Variants in HLF observed in about 807,000 individuals in gnomAD.
HLF encodes hepatic leukemia factor.
In HLF, 3 loss-of-function variants were observed where a neutral mutation model predicts 22.6. The observed-to-expected ratio is 0.13, with a 90% confidence interval of 0.06 to 0.34. The LOEUF is 0.34. HLF is among the 10% of genes least tolerant of loss of function. The pLI is 1.00. For synonymous variants in HLF, 151 were observed against 151.8 expected (o/e 0.99, Z 0.04); for missense variants, 299 against 389.2 (o/e 0.77, Z 1.95).
chr17:55,320,193 G>A lies in HLF; in HGVS notation c.673-471G>A, dbSNP rs1056349504. Among the ~76,000 whole-genome samples the A allele has an allele frequency of 6.6e-6, 1 of 152,186 alleles. No individual in the cohort carries two copies. Among genetic ancestry groups the A allele is most frequent in the African/African-American group, 2.4e-5 (1 of 41,454 alleles). ...GCTACAGGACAAAATCCTGGAAGTG[G>A]AGTGCTAGATGAATAGTATATCCAT... On this transcript the variant is annotated intron_variant, in intron 3 of 3. Transcript: ENST00000226067. The surrounding 1 kb of genome is among the most constrained non-coding windows in gnomAD (Gnocchi z 4.2).
intron 2 of HLF, among the ~76,000 whole-genome samples, chr17:55,271,260 A>G (rs1354849100): frequency 6.6e-6 from 1 of 152,254 alleles, no homozygotes; most frequent in Non-Finnish European, 1.5e-5. Flanking sequence ...GAATATTAAT[A>G]AGAGCATAAT....
chr17:55,321,312 G>A lies in HLF; in HGVS notation c.*433G>A, dbSNP rs1227331434. On this transcript the variant is annotated 3_prime_UTR_variant, in exon 4 of 4. Transcript: ENST00000226067. ...GGCCCTGGTAAAATAGTGGATCTCA[G>A]TTTTTAAGAGTACAAGCTCTTGTTT... The A allele has an allele frequency of 8.0e-6, 2 of 250,560 alleles. No individual in the cohort carries two copies. The highest frequency in any genetic ancestry group is 1.1e-4 in the East Asian group (2 of 17,516). The allele number at this position is 250,560 out of a possible 1,614,324, so 15.5% of individuals were successfully genotyped here.
chr17:55,282,285 C>CTT (rs1222764778), intron 2 of HLF, among the ~76,000 whole-genome samples: 1 of 152,110 alleles, frequency 6.6e-6, no homozygotes, highest in Non-Finnish European at 1.5e-5. Context: ...TGGACTGGGT[C>CTT]TTTGTAAGCT....
chr17:55,302,844 C>CT (rs2145351927), intron 2 of HLF, among the ~76,000 whole-genome samples: 1 of 152,344 alleles, frequency 6.6e-6, no homozygotes, highest in East Asian at 1.9e-4. Context: ...TGAAAATAGA[C>CT]TCCAGGTATG....
chr17:55,294,825 A>C (rs1351413606), intron 2 of HLF, among the ~76,000 whole-genome samples: 1 of 151,886 alleles, frequency 6.6e-6, no homozygotes, highest in African/African-American at 2.4e-5. Flanking sequence ...GGACCTTTCT[A>C]TATCCTCCCT....
intron 2 of HLF, among the ~76,000 whole-genome samples, chr17:55,310,010 A>G (rs1044318705): frequency 5.3e-5 from 8 of 152,254 alleles, no homozygotes; most frequent in African/African-American, 1.9e-4. Context: ...AATTCTTGCT[A>G]AAATACGAAA....
At chr17:55,304,636 G>A (rs568111169) in intron 2 of HLF, among the ~76,000 whole-genome samples, 8 of 152,196 alleles carry the variant, frequency 5.3e-5, no homozygotes, top group Non-Finnish European at 1.0e-4. Flanking sequence ...ATCCCAGGGC[G>A]ATGTGCTGTT....
At chr17:55,288,721 A>G (rs1392230751) in intron 2 of HLF, among the ~76,000 whole-genome samples, 2 of 150,892 alleles carry the variant, frequency 1.3e-5, no homozygotes, top group Non-Finnish European at 2.9e-5. Flanking sequence ...GCGCCACTGT[A>G]CTCCAGCCTG....
chr17:55,308,884 G>C (rs1182603097), intron 2 of HLF, among the ~76,000 whole-genome samples: 2 of 152,200 alleles, frequency 1.3e-5, no homozygotes, highest in Non-Finnish European at 2.9e-5. Context: ...CACATATCTA[G>C]AGTTCAGGTG....
intron 2 of HLF, chr17:55,288,766 A>AG (rs937062752): frequency 7.5e-6 from 2 of 267,736 alleles, no homozygotes; most frequent in African/African-American, 2.3e-5. Context: ...AAAAAAAAAA[A>AG]AAGTTAAATT....
chr17:55,320,099 T>A lies in HLF; in HGVS notation c.673-565T>A, dbSNP rs1905213971. Reference sequence around the variant, plus strand: ...TCTCCTATGCATAGTTTTTCCTCATTTTTTCTACTGCACATAATGCTGCAG... The same window carrying A: ...TCTCCTATGCATAGTTTTTCCTCATATTTTCTACTGCACATAATGCTGCAG... On this transcript the variant is annotated intron_variant, in intron 3 of 3. Coordinates refer to ENST00000226067, the MANE Select transcript of HLF (RefSeq NM_002126.5). The surrounding 1 kb of genome is among the most constrained non-coding windows in gnomAD (Gnocchi z 4.2). 6.6e-6 allele frequency among the ~76,000 whole-genome samples: 1 copy of A among 152,212 alleles called. No homozygotes were observed. Among genetic ancestry groups the A allele is most frequent in the Admixed American group, 6.5e-5 (1 of 15,284 alleles).
intron 2 of HLF, among the ~76,000 whole-genome samples, chr17:55,271,174 T>C (rs962885936): frequency 1.3e-5 from 2 of 152,224 alleles, no homozygotes; most frequent in East Asian, 1.9e-4. Context: ...GTCACACGCA[T>C]GGATAAACTA....
chr17:55,302,068 A>T (rs940495184), intron 2 of HLF, among the ~76,000 whole-genome samples: 1 of 152,194 alleles, frequency 6.6e-6, no homozygotes, highest in Admixed American at 6.5e-5. Context: ...CATTTTCCCA[A>T]CCTGCCTGGG....
intron 2 of HLF, among the ~76,000 whole-genome samples, chr17:55,304,025 A>G (rs965163540): frequency 8.6e-5 from 13 of 151,952 alleles, no homozygotes; most frequent in South Asian, 2.1e-4. Context: ...TGGTTTCAAT[A>G]TGAGTGTGGG....
intron 2 of HLF, among the ~76,000 whole-genome samples, chr17:55,285,986 T>C (rs966660488): frequency 1.3e-5 from 2 of 152,198 alleles, no homozygotes; most frequent in South Asian, 4.1e-4. Flanking sequence ...CGGGCCACCC[T>C]TTTCTCTTGC....
At chr17:55,271,475 T>C (rs766693681) in intron 2 of HLF, 3 of 152,220 alleles carry the variant, frequency 2.0e-5, no homozygotes, top group Admixed American at 6.5e-5. Flanking sequence ...ACCCCAAGGA[T>C]GTCTTGGAAT....
intron 2 of HLF, among the ~76,000 whole-genome samples, chr17:55,312,091 G>T (rs1328352595): frequency 6.6e-6 from 1 of 152,160 alleles, no homozygotes; most frequent in Non-Finnish European, 1.5e-5. Flanking sequence ...GGTTGATTCC[G>T]TGTCTTTGCT....
intron 2 of HLF, among the ~76,000 whole-genome samples, chr17:55,296,171 G>A (rs970086973): frequency 6.6e-6 from 1 of 152,144 alleles, no homozygotes; most frequent in Admixed American, 6.5e-5. Flanking sequence ...CTGAGGTGTG[G>A]GTGGTTGGTT....
rs1456798278 is a variant in HLF at position 55,318,642 on chromosome 17, C to T, written c.673-2022C>T. On this transcript the variant is annotated intron_variant, in intron 3 of 3. Transcript: ENST00000226067. ...AGGGGCTTGTTCTTATGTACCCCTT[C>T]GCCTCCTGGGCTCCTGTTCCCCCGT... 5.3e-5 allele frequency among the ~76,000 whole-genome samples: 8 copies of T among 152,242 alleles called. No individual in the cohort carries two copies. The Middle Eastern group carries it at 0.014, about 259-fold the overall frequency.
Sources: gnomAD v4.1 joint callset for allele counts (sites outside exome capture counted in the v4.1 genomes callset) on GRCh38, gnomAD v4.1.1 for gene constraint, Gnocchi (gnomAD v3.1) non-coding constraint, MANE v1.5 for transcripts, NCBI Gene and HGNC (gene_info 2026-07-23, HGNC 2026-07-21) for gene names.